PRKCA: variants seen among roughly 807,000 people sequenced by gnomAD.
PRKCA encodes protein kinase C alpha type.
Under a neutral mutation model 87.0 loss-of-function variants are expected in PRKCA, and 27 were observed. The observed-to-expected ratio is 0.31, with a 90% CI of 0.23 to 0.43. The LOEUF (loss-of-function observed/expected upper bound fraction) is 0.43. Among genes scored for constraint, PRKCA ranks in the 20% least tolerant of loss-of-function variants. The pLI is 1.00. For synonymous variants in PRKCA, 329 were observed against 311.1 expected, an observed-to-expected ratio of 1.06 and a Z score of -0.61; for missense variants, 518 against 852.3, an observed-to-expected ratio of 0.61 and a Z score of 4.88.
At position 66,804,500 on chromosome 17, in the gene PRKCA, TTGGGGG is replaced by T. The variant is rs1257487809; in HGVS notation, c.*470_*475del. ...AGCCAAGAGAGTGAGCAGGGAGGGA[TTGGGGG>T]TGGGGGAGGCCTCAAAATACCGACT... On this transcript the variant is annotated 3_prime_UTR_variant, in exon 17 of 17. Transcript: ENST00000413366. The T allele has an allele frequency of 6.5e-6, 1 of 154,180 alleles. No individual in the cohort carries two copies. The highest frequency in any genetic ancestry group is 2.4e-5 in the African/African-American group (1 of 41,474). 9.6% of individuals were successfully genotyped at this position (154,180 alleles called of 1,614,324 possible). A position where few individuals can be genotyped will look rare whatever the true frequency, so the allele number is the denominator to read the frequency against.
intron 2 of PRKCA, among the ~76,000 whole-genome samples, chr17:66,361,404 T>G (rs1217876832): frequency 6.6e-6 from 1 of 151,758 alleles, no homozygotes; most frequent in East Asian, 1.9e-4. Flanking sequence ...CTCCGCTTCC[T>G]GGGTTCAAGC....
At chr17:66,504,208 G>C (rs1251073789) in intron 3 of PRKCA, among the ~76,000 whole-genome samples, 1 of 152,018 alleles carries the variant, frequency 6.6e-6, no homozygotes. Flanking sequence ...AGGTTACAAA[G>C]GTAAAGAGAG....
At chr17:66,513,643 A>AT (rs1377102016) in intron 3 of PRKCA, among the ~76,000 whole-genome samples, 7 of 152,148 alleles carry the variant, frequency 4.6e-5, no homozygotes, top group Admixed American at 3.9e-4. Flanking sequence ...GCAGTCATTA[A>AT]TTTTTTTCTG....
chr17:66,763,038 G>A (rs1023056418), intron 13 of PRKCA, among the ~76,000 whole-genome samples: 1 of 152,164 alleles, frequency 6.6e-6, no homozygotes, highest in Non-Finnish European at 1.5e-5. Flanking sequence ...TGATCCTATC[G>A]CCTTGGCCTC....
chr17:66,606,915 T>G (rs1382005833), intron 3 of PRKCA, among the ~76,000 whole-genome samples: 1 of 152,178 alleles, frequency 6.6e-6, no homozygotes, highest in Non-Finnish European at 1.5e-5. Flanking sequence ...TAAAGTTATA[T>G]GTACTGTAAG....
At chr17:66,402,403 GA>G (rs1911086736) in intron 2 of PRKCA, among the ~76,000 whole-genome samples, 2 of 144,106 alleles carry the variant, frequency 1.4e-5, no homozygotes, top group Non-Finnish European at 3.0e-5. Context: ...AAGTGAAAAA[GA>G]GGCCAAGAAA....
At chr17:66,687,038 G>T in intron 5 of PRKCA, 73 bp from the exon 6 acceptor site, 1 of 1,307,926 alleles carries the variant, frequency 7.6e-7, no homozygotes, top group Non-Finnish European at 1.1e-6. Context: ...ATTCAGCTTG[G>T]TATTGACACA....
chr17:66,653,690 T>G (rs1406996710), intron 5 of PRKCA, among the ~76,000 whole-genome samples: 1 of 151,966 alleles, frequency 6.6e-6, no homozygotes, highest in African/African-American at 2.4e-5. Context: ...GCCGTTTGCA[T>G]TCTGCATCTC....
At chr17:66,647,117 G>GGCCATGAGCTA (rs1567953113) in intron 5 of PRKCA, among the ~76,000 whole-genome samples, 2 of 151,700 alleles carry the variant, frequency 1.3e-5, no homozygotes, top group African/African-American at 4.8e-5. Flanking sequence ...TGTTCCTCGG[G>GGCCATGAGCTA]GGCCATGAGA....
rs1976017520 is a variant in PRKCA at position 66,805,718 on chromosome 17, A to AAGCTGAC, written c.*1683_*1684insCTGACAG. On this transcript the variant is annotated 3_prime_UTR_variant, in exon 17 of 17. Transcript: ENST00000413366. The stretch of plus-strand genomic sequence containing the variant: ...CACTCTTCCTCTTGGGGACAACAGG[A>AAGCTGAC]AGTGTCTGATTCCAGTCTGCCTAGT... 6.6e-6 allele frequency: 1 copy of AAGCTGAC among 152,176 alleles called. No individual in the cohort carries two copies. The highest frequency in any genetic ancestry group is 6.5e-5 in the Admixed American group (1 of 15,282). The allele number at this position is 152,176 out of a possible 1,614,324, so 9.4% of individuals were successfully genotyped here.
chr17:66,307,255 A>C (rs1007077799), intron 2 of PRKCA, among the ~76,000 whole-genome samples: 1 of 152,182 alleles, frequency 6.6e-6, no homozygotes, highest in African/African-American at 2.4e-5. Context: ...TTTGAAAATC[A>C]AGGGATATTC....
intron 2 of PRKCA, among the ~76,000 whole-genome samples, chr17:66,313,846 C>T (rs930470274): frequency 6.6e-6 from 1 of 152,146 alleles, no homozygotes; most frequent in Admixed American, 6.5e-5. Context: ...ACATGAATGG[C>T]AGCGGCAGCT....
intron 2 of PRKCA, among the ~76,000 whole-genome samples, chr17:66,429,150 T>C (rs1183214740): frequency 6.6e-6 from 1 of 152,196 alleles, no homozygotes; most frequent in Non-Finnish European, 1.5e-5. Context: ...AGCTAAAATC[T>C]GACATAGTGC....
intron 2 of PRKCA, among the ~76,000 whole-genome samples, chr17:66,343,043 A>T (rs1202777359): frequency 2.6e-5 from 4 of 152,142 alleles, no homozygotes; most frequent in African/African-American, 9.7e-5. Flanking sequence ...TTTAAAAAAG[A>T]AGCATAATAT....
rs546419086 is a variant in PRKCA at position 66,547,923 on chromosome 17, G to A, written c.288+51640G>A. 3.3e-5 allele frequency among the ~76,000 whole-genome samples: 5 copies of A among 152,246 alleles called. No individual in the cohort carries two copies. In the East Asian group the frequency reaches 9.7e-4, roughly 29 times the overall value. On this transcript the variant is annotated intron_variant, in intron 3 of 16. Transcript: ENST00000413366. ...TTAGATAATTTTGACCAGAAACATT[G>A]GAAGGACATTCATGACATATCCTGG... is the stretch of plus-strand genomic sequence containing the variant.
chr17:66,628,521 A>T (rs1352629320), intron 3 of PRKCA, among the ~76,000 whole-genome samples: 1 of 152,188 alleles, frequency 6.6e-6, no homozygotes, highest in East Asian at 1.9e-4. Context: ...TCTTTCTTGA[A>T]TGAAATCCAC....
In PRKCA at chr17:66,803,771, A is replaced by G. The variant is rs1975957233; in HGVS notation, c.1855-102A>G. On this transcript the variant is annotated intron_variant, in intron 16 of 16. Coordinates refer to ENST00000413366, the MANE Select transcript of PRKCA (RefSeq NM_002737.3). The surrounding 1 kb of genome is among the most constrained non-coding windows in gnomAD (Gnocchi z 4.4). ...AGATTCCTCCTCCTAACCAGCCCGG[A>G]GTTCCCCAGGGCCGTGCCCCTCCCC... The G allele has an allele frequency of 6.9e-7, 1 of 1,457,696 alleles. No homozygotes were observed. Among genetic ancestry groups the G allele is most frequent in the Non-Finnish European group, 9.2e-7 (1 of 1,085,240 alleles). The allele number at this position is 1,457,696 out of a possible 1,614,324, so 90.3% of individuals were successfully genotyped here.
At chr17:66,479,036 A>G (rs998107162) in intron 2 of PRKCA, among the ~76,000 whole-genome samples, 2 of 152,258 alleles carry the variant, frequency 1.3e-5, no homozygotes, top group African/African-American at 4.8e-5. Flanking sequence ...GCATCTAATT[A>G]AACTTAACAG....
chr17:66,377,221 T>C (rs977730708), intron 2 of PRKCA, among the ~76,000 whole-genome samples: 1 of 151,980 alleles, frequency 6.6e-6, no homozygotes, highest in Admixed American at 6.6e-5. Flanking sequence ...GATGGGGTTT[T>C]GCCATGTTGG....
Sources: gnomAD v4.1 joint callset for allele counts (sites outside exome capture counted in the v4.1 genomes callset) on GRCh38, gnomAD v4.1.1 for gene constraint, Gnocchi (gnomAD v3.1) non-coding constraint, MANE v1.5 for transcripts, NCBI Gene and HGNC (gene_info 2026-07-23, HGNC 2026-07-21) for gene names.